The following CCT3 variants were observed in gnomAD, a reference collection of about 807,000 sequenced individuals.
CCT3 encodes chaperonin containing TCP1 subunit 3, also known as T-complex protein 1 subunit gamma.
In CCT3, 10 loss-of-function variants were observed where a neutral mutation model predicts 65.3. The observed-to-expected ratio is 0.15, with a 90% confidence interval of 0.09 to 0.26. CCT3 has a LOEUF of 0.26. Among genes scored for constraint, CCT3 ranks in the 10% least tolerant of loss-of-function variants. The pLI is 1.00. For synonymous variants in CCT3, 225 were observed against 242.3 expected (o/e 0.93, Z 0.66); for missense variants, 626 against 708.7 (o/e 0.88, Z 1.33).
chr1:156,325,224 T>C, intron 5 of CCT3, 135 bp from the exon 6 acceptor site: 1 of 670,208 alleles, frequency 1.5e-6, no homozygotes, highest in East Asian at 2.6e-5. Context: ...ATTCATACTA[T>C]TCCAAATTCT....
intron 5 of CCT3, among the ~76,000 whole-genome samples, chr1:156,325,963 T>C (rs1202656194): frequency 1.3e-5 from 2 of 152,294 alleles, no homozygotes; most frequent in Non-Finnish European, 2.9e-5. Context: ...CTGACTTGTT[T>C]ATTAGTACCT....
At chr1:156,335,653 G>GGA in intron 2 of CCT3, 174 bp downstream of exon 2, 2 of 565,172 alleles carry the variant, frequency 3.5e-6, no homozygotes, top group Non-Finnish European at 6.4e-6. Context: ...ACTCAGAAGG[G>GGA]GAGGGCTTCC....
At chr1:156,311,334 G>C (rs1205968123) in intron 11 of CCT3, 139 bp from the exon 12 acceptor site, 8 of 729,914 alleles carry the variant, frequency 1.1e-5, no homozygotes, top group Non-Finnish European at 1.8e-5. Flanking sequence ...ACCCCTACTG[G>C]GCAGGGCAGA....
chr1:156,329,355 G>GA (rs1206667322), intron 5 of CCT3, among the ~76,000 whole-genome samples: 1 of 144,424 alleles, frequency 6.9e-6, no homozygotes, highest in East Asian at 2.0e-4. Context: ...TGCCAGGCTG[G>GA]AGTGCAGTGG....
At chr1:156,313,656 G>A (rs955311413) in intron 10 of CCT3, among the ~76,000 whole-genome samples, 3 of 152,188 alleles carry the variant, frequency 2.0e-5, no homozygotes, top group Non-Finnish European at 4.4e-5. Flanking sequence ...GAAAGGGACT[G>A]CCTTTTAAAG....
At chr1:156,325,609 G>A (rs1433167491) in intron 5 of CCT3, among the ~76,000 whole-genome samples, 2 of 144,686 alleles carry the variant, frequency 1.4e-5, no homozygotes, top group East Asian at 4.0e-4. Context: ...AAGCAGTCTC[G>A]CTGTGTCGCC....
At chr1:156,333,123 T>A (rs1665179803) in intron 5 of CCT3, 1 of 223,218 alleles carries the variant, frequency 4.5e-6, no homozygotes, top group African/African-American at 2.4e-5. Context: ...TGAAACCCTG[T>A]CTCTACTAAA....
chr1:156,310,628 A>C lies in CCT3; in HGVS notation c.1463T>G (p.Val488Gly). The change falls in exon 13 of 14, where the codon GTG (valine) becomes GGG (glycine). Residue 488 changes from valine to glycine, a missense_variant. Transcript: ENST00000295688. ...WGVNGETGTL[V>G]DMKELGIWEP... is the part of the protein sequence containing the mutation. ...CCATATGCCCAGTTCCTTCATGTCC[A>C]CCAAAGTACCCGTCTCACCATTTAC... 6.2e-7 allele frequency: 1 copy of C among 1,614,052 alleles called. No homozygotes were observed. The highest frequency in any genetic ancestry group is 1.1e-5 in the South Asian group (1 of 91,068).
At chr1:156,325,252 G>A (rs181637252) in intron 5 of CCT3, among the ~76,000 whole-genome samples, 163 bp from the exon 6 acceptor site, 142 of 152,268 alleles carry the variant, frequency 9.3e-4, no homozygotes, top group African/African-American at 3.1e-3. Context: ...GTATAAGACG[G>A]CAATTTATAC....
At chr1:156,317,067 T>C in intron 10 of CCT3, 99 bp downstream of exon 10, 1 of 1,043,888 alleles carries the variant, frequency 9.6e-7, no homozygotes, top group Non-Finnish European at 1.5e-6. Context: ...CCTGTTACTA[T>C]ATCCTTTATT....
Position 156,333,640 on chromosome 1 carries a change from G to C in CCT3, c.211C>G (p.Gln71Glu), listed in dbSNP as rs752354217. 5 of 1,613,462 alleles carry C rather than the reference G, an allele frequency of 3.1e-6. No homozygotes were observed. The highest frequency in any genetic ancestry group is 2.2e-5 in the East Asian group (1 of 44,880). ...GACTTGGCCGCTGGATGCTGGACTT[G>C]AATCTAAAAAGGTAGATCACTAGTG... ...NDGNAILREIQVQHPAAKSMI... is the reference protein window; with the variant it reads ...NDGNAILREIEVQHPAAKSMI... The change falls in exon 5 of 14, where the codon CAA (glutamine) becomes GAA (glutamate). Residue 71 changes from glutamine to glutamate, a missense_variant. Coordinates refer to ENST00000295688, the MANE Select transcript of CCT3 (RefSeq NM_005998.5).
intron 11 of CCT3, 28 bp from the exon 12 acceptor site, chr1:156,311,223 G>C: frequency 6.2e-7 from 1 of 1,605,008 alleles, no homozygotes; most frequent in Non-Finnish European, 8.5e-7. Flanking sequence ...ACAGTATGAA[G>C]CCAAAGCTTG....
intron 13 of CCT3, among the ~76,000 whole-genome samples, chr1:156,310,238 AC>A (rs906908018): frequency 7.3e-5 from 11 of 151,682 alleles, no homozygotes; most frequent in Admixed American, 4.6e-4. Flanking sequence ...CATGCCTGTA[AC>A]TCCAGCACTT....
Position 156,310,974 on chromosome 1 carries a change from G to A in CCT3, c.1377C>T (p.Thr459=). The change falls in exon 12 of 14, where the codon ACC becomes ACT. Residue 459 remains threonine (T), a synonymous_variant. Transcript: ENST00000295688. ...RTLIQNCGAS[T]IRLLTSLRAK... is the part of the protein sequence containing the mutation. ...CCCGAAGGGAGGTAAGTAGACGGAT[G>A]GTGCTGGCCCCACAGTTCTGGATCA... is the stretch of plus-strand genomic sequence containing the variant. 2 of 1,614,138 alleles carry A rather than the reference G, an allele frequency of 1.2e-6. No homozygotes were observed. Among genetic ancestry groups the A allele is most frequent in the Non-Finnish European group, 1.7e-6 (2 of 1,180,020 alleles).
At chr1:156,318,588 G>C (rs1442241044) in intron 8 of CCT3, among the ~76,000 whole-genome samples, 1 of 152,076 alleles carries the variant, frequency 6.6e-6, no homozygotes, top group Non-Finnish European at 1.5e-5. Flanking sequence ...ATTAGGAAAG[G>C]CAGCATGATC....
chr1:156,327,267 G>GCCTCTCC lies in CCT3; in HGVS notation c.305-2185_305-2179dup, dbSNP rs764171676. 2.3e-4 allele frequency among the ~76,000 whole-genome samples: 35 copies of GCCTCTCC among 151,916 alleles called. 1 individual carries two copies. The highest frequency in any genetic ancestry group is 1.2e-3 in the Admixed American group (19 of 15,222). Reference sequence around the variant, plus strand: ...CTTTTAAAAATGTACATAGCCTCTCGCCTCTCCCCTCTCCCCTCTCCCTCT... The same window carrying GCCTCTCC: ...CTTTTAAAAATGTACATAGCCTCTCGCCTCTCCCCTCTCCCCTCTCCCCTCTCCCTCT... On this transcript the variant is annotated intron_variant, in intron 5 of 13. Transcript: ENST00000295688.
At chr1:156,335,729 C>T (rs1558275426) in intron 2 of CCT3, 98 bp downstream of exon 2, 2 of 936,680 alleles carry the variant, frequency 2.1e-6, no homozygotes, top group South Asian at 1.5e-5. Context: ...TATTTGCCTA[C>T]TCTATAAAGT....
At chr1:156,324,757 A>G (rs1407648740) in intron 6 of CCT3, among the ~76,000 whole-genome samples, 1 of 151,940 alleles carries the variant, frequency 6.6e-6, no homozygotes, top group Non-Finnish European at 1.5e-5. Flanking sequence ...CCTCCCAAGT[A>G]GCTGGGACGA....
At chr1:156,323,034 C>T (rs1664631578) in intron 6 of CCT3, among the ~76,000 whole-genome samples, 1 of 151,814 alleles carries the variant, frequency 6.6e-6, no homozygotes, top group Admixed American at 6.6e-5. Context: ...TGGCCAGGCG[C>T]GGTGGCTCAC....
Sources: allele counts gnomAD v4.1 joint callset (sites outside exome capture counted in the v4.1 genomes callset), GRCh38; gene constraint gnomAD v4.1.1; transcripts MANE v1.5; gene names NCBI Gene and HGNC (gene_info 2026-07-23, HGNC 2026-07-21).